The following FRYL variants were observed in gnomAD, a reference collection of about 807,000 sequenced individuals.
FRYL encodes the protein protein furry homolog-like.
A neutral mutation model predicts 351.2 loss-of-function variants in FRYL; 150 were observed. The observed-to-expected ratio is 0.43, with a 90% CI of 0.37 to 0.49. The LOEUF is 0.49. Among genes scored for constraint, FRYL ranks in the 20% least tolerant of loss-of-function variants. FRYL has a pLI of 0.00. For missense variants in FRYL, 3,036 were observed against 3,619.3 expected, an observed-to-expected ratio of 0.84 and a Z score of 4.13; for synonymous variants, 1,153 against 1,257.1, an observed-to-expected ratio of 0.92 and a Z score of 1.75.
intron 4 of FRYL, among the ~76,000 whole-genome samples, chr4:48,628,152 T>C (rs1752221390): frequency 6.6e-6 from 1 of 152,158 alleles, no homozygotes; most frequent in African/African-American, 2.4e-5. Flanking sequence ...AACTAAAAAG[T>C]AAAATTATTC....
chr4:48,617,080 G>A (rs939917232), intron 7 of FRYL, among the ~76,000 whole-genome samples: 1 of 152,078 alleles, frequency 6.6e-6, no homozygotes, highest in Non-Finnish European at 1.5e-5. Context: ...GTGTATCTAT[G>A]TTCTTGGTGA....
intron 33 of FRYL, among the ~76,000 whole-genome samples, chr4:48,559,322 C>T (rs1417557516): frequency 1.3e-5 from 2 of 151,260 alleles, no homozygotes; most frequent in Admixed American, 6.6e-5. Context: ...ATAGGGGTCA[C>T]GGTGTGGTTT....
chr4:48,653,894 T>A (rs553484633), intron 3 of FRYL: 2 of 1,262,344 alleles, frequency 1.6e-6, no homozygotes, highest in East Asian at 1.1e-4. Flanking sequence ...CTGTCCCTTC[T>A]CTTCTCACAG....
intron 5 of FRYL, among the ~76,000 whole-genome samples, chr4:48,622,412 T>C (rs1429585655): frequency 6.6e-6 from 1 of 152,168 alleles, no homozygotes; most frequent in Non-Finnish European, 1.5e-5. Context: ...CCTAGGAAGC[T>C]GTTGTACATA....
chr4:48,768,274 T>G (rs1298665714), intron 1 of FRYL, among the ~76,000 whole-genome samples: 2 of 152,178 alleles, frequency 1.3e-5, no homozygotes, highest in Non-Finnish European at 2.9e-5. Context: ...ACAAATGGAT[T>G]CTTAAAAGAT....
intron 1 of FRYL, among the ~76,000 whole-genome samples, chr4:48,742,986 T>A (rs79572925): frequency 1.9e-4 from 26 of 139,402 alleles, no homozygotes; most frequent in South Asian, 1.4e-3. Flanking sequence ...TTTTTTTTTT[T>A]TTTTTTTTTT....
intron 18 of FRYL, among the ~76,000 whole-genome samples, chr4:48,588,985 T>C (rs1254237603): frequency 3.9e-5 from 6 of 152,104 alleles, no homozygotes; most frequent in African/African-American, 1.2e-4. Flanking sequence ...GGAAGTAACA[T>C]TGGCAAAAAA....
intron 13 of FRYL, 80 bp from the exon 14 acceptor site, chr4:48,596,080 A>G (rs1200002670): frequency 1.1e-6 from 1 of 908,410 alleles, no homozygotes; most frequent in Non-Finnish European, 1.7e-6. Flanking sequence ...GTCAACAACT[A>G]AAAGCCAATC....
intron 1 of FRYL, among the ~76,000 whole-genome samples, chr4:48,771,798 C>A (rs1775544250): frequency 6.6e-6 from 1 of 152,200 alleles, no homozygotes; most frequent in South Asian, 2.1e-4. Context: ...TTTTATCCAC[C>A]ATTCAGCAAG....
At chr4:48,641,950 T>C (rs1285715873) in intron 3 of FRYL, among the ~76,000 whole-genome samples, 1 of 152,202 alleles carries the variant, frequency 6.6e-6, no homozygotes, top group Admixed American at 6.6e-5. Context: ...AAATTTGTCA[T>C]CCAATTGTAA....
intron 3 of FRYL, among the ~76,000 whole-genome samples, chr4:48,665,406 T>C (rs546132544): frequency 2.8e-4 from 42 of 152,312 alleles, no homozygotes; most frequent in Non-Finnish European, 5.0e-4. Flanking sequence ...TCAAGCTCCT[T>C]TGAAATAGAG....
intron 1 of FRYL, among the ~76,000 whole-genome samples, chr4:48,711,645 C>T (rs1365553916): frequency 6.6e-6 from 1 of 152,266 alleles, no homozygotes; most frequent in African/African-American, 2.4e-5. Context: ...AGGGCACAGA[C>T]AAACAAAAAG....
chr4:48,756,758 G>A (rs572033112), intron 1 of FRYL, among the ~76,000 whole-genome samples: 1 of 152,260 alleles, frequency 6.6e-6, no homozygotes, highest in Non-Finnish European at 1.5e-5. Context: ...GACCAGCCTA[G>A]GCAACACAGT....
At chr4:48,581,312 G>C in intron 21 of FRYL, 108 bp downstream of exon 21, 1 of 903,366 alleles carries the variant, frequency 1.1e-6, no homozygotes, top group Non-Finnish European at 1.6e-6. Flanking sequence ...AGAACGGTAG[G>C]TTAGTTTAGA....
chr4:48,528,112 A>C, intron 51 of FRYL, 63 bp downstream of exon 51: 1 of 1,562,518 alleles, frequency 6.4e-7, no homozygotes, highest in Non-Finnish European at 8.7e-7. Flanking sequence ...TCAAGTTTTC[A>C]TACCTATAAC....
chr4:48,671,710 G>T (rs369634459), intron 3 of FRYL, among the ~76,000 whole-genome samples: 23 of 150,810 alleles, frequency 1.5e-4, no homozygotes, highest in Admixed American at 7.9e-4. Flanking sequence ...AAAATTAGCC[G>T]GGCCTGGTGG....
chr4:48,698,037 A>T (rs1276150703), intron 2 of FRYL, among the ~76,000 whole-genome samples: 1 of 152,200 alleles, frequency 6.6e-6, no homozygotes, highest in Non-Finnish European at 1.5e-5. Context: ...ATCTATACTC[A>T]GTGGCACTTA....
At chr4:48,577,473 C>T (rs572743888) in intron 23 of FRYL, among the ~76,000 whole-genome samples, 5 of 152,140 alleles carry the variant, frequency 3.3e-5, no homozygotes, top group South Asian at 4.1e-4. Flanking sequence ...GCACTGGTAA[C>T]GTATCAGTCA....
At chr4:48,631,042 T>G (rs1306901768) in intron 4 of FRYL, among the ~76,000 whole-genome samples, 2 of 152,224 alleles carry the variant, frequency 1.3e-5, no homozygotes, top group Non-Finnish European at 2.9e-5. Flanking sequence ...TTAGATTAAA[T>G]GTATTTTCAT....
Sources: allele counts gnomAD v4.1 joint callset (sites outside exome capture counted in the v4.1 genomes callset), GRCh38; gene constraint gnomAD v4.1.1; transcripts MANE v1.5; gene names NCBI Gene and HGNC (gene_info 2026-07-23, HGNC 2026-07-21).